KHDRBS2: variants seen among roughly 807,000 people sequenced by gnomAD.
The protein encoded by KHDRBS2 is KH RNA binding domain containing, signal transduction associated 2, also known as KH domain-containing, RNA-binding, signal transduction-associated protein 2.
KHDRBS2 carries 26 observed loss-of-function variants against 44.3 expected under a neutral mutation model. The observed-to-expected ratio is 0.59, with a 90% CI of 0.43 to 0.81. KHDRBS2 has a LOEUF of 0.81. Among genes scored for constraint, KHDRBS2 ranks in the 40% least tolerant of loss-of-function variants. The pLI is 0.00. For synonymous variants in KHDRBS2, 194 were observed against 151.1 expected, an observed-to-expected ratio of 1.28 and a Z score of -2.08; for missense variants, 476 against 433.1, an observed-to-expected ratio of 1.10 and a Z score of -0.88.
At chr6:61,990,397 A>G (rs1047371544) in intron 3 of KHDRBS2, among the ~76,000 whole-genome samples, 1 of 152,210 alleles carries the variant, frequency 6.6e-6, no homozygotes, top group Non-Finnish European at 1.5e-5. Context: ...AAGAAATAAC[A>G]AAAATGAATA....
the KHDRBS2 span, among the ~76,000 whole-genome samples, chr6:61,621,484 C>T: frequency 6.6e-6 from 1 of 152,198 alleles, no homozygotes; most frequent in Non-Finnish European, 1.5e-5. Flanking sequence ...AGCTGAGTAG[C>T]AGGCTAAAGG....
the KHDRBS2 span, among the ~76,000 whole-genome samples, chr6:61,556,647 A>C: frequency 2.0e-5 from 3 of 152,090 alleles, no homozygotes; most frequent in African/African-American, 7.2e-5. Context: ...TTTTTCTTTC[A>C]GGAAAATATG....
At chr6:61,666,558 G>A in the KHDRBS2 span, among the ~76,000 whole-genome samples, 6 of 151,410 alleles carry the variant, frequency 4.0e-5, no homozygotes, top group African/African-American at 1.4e-4. Context: ...GTCTGCTTCT[G>A]AGTACACCAG....
chr6:62,156,745 C>T (rs1438952578), intron 2 of KHDRBS2, among the ~76,000 whole-genome samples: 3 of 151,862 alleles, frequency 2.0e-5, no homozygotes, highest in African/African-American at 7.3e-5. Context: ...GATCTCGGCT[C>T]ACTGCAAGCT....
chr6:61,672,902 T>C, the KHDRBS2 span, among the ~76,000 whole-genome samples: 5 of 152,194 alleles, frequency 3.3e-5, no homozygotes, highest in South Asian at 8.3e-4. Flanking sequence ...TTTGGTGTTT[T>C]AGACATGAAG....
intron 6 of KHDRBS2, among the ~76,000 whole-genome samples, chr6:61,860,133 G>T (rs1263453623): frequency 6.6e-6 from 1 of 151,866 alleles, no homozygotes; most frequent in Non-Finnish European, 1.5e-5. Context: ...AAAATCCAAA[G>T]TAGAATAAGT....
chr6:62,034,579 T>C (rs1280956306), intron 3 of KHDRBS2, among the ~76,000 whole-genome samples: 1 of 151,164 alleles, frequency 6.6e-6, no homozygotes, highest in Non-Finnish European at 1.5e-5. Context: ...AAAATGCATT[T>C]GATAATATTC....
intron 6 of KHDRBS2, among the ~76,000 whole-genome samples, chr6:61,888,496 G>C (rs1801305243): frequency 6.6e-6 from 1 of 151,272 alleles, no homozygotes; most frequent in African/African-American, 2.4e-5. Context: ...AAACGGAAAG[G>C]AAACACATAT....
intron 7 of KHDRBS2, among the ~76,000 whole-genome samples, chr6:61,718,676 G>A (rs772529514): frequency 2.6e-5 from 4 of 152,058 alleles, no homozygotes; most frequent in South Asian, 2.1e-4. Flanking sequence ...CTGTAGGATG[G>A]CCGTGGTTGC....
the KHDRBS2 span, among the ~76,000 whole-genome samples, chr6:61,571,037 C>G: frequency 6.6e-6 from 1 of 151,664 alleles, no homozygotes; most frequent in Non-Finnish European, 1.5e-5. Context: ...AAGGCAACAA[C>G]TAGCATGATG....
chr6:61,853,110 A>T (rs182045429), intron 6 of KHDRBS2, among the ~76,000 whole-genome samples: 260 of 152,200 alleles, frequency 1.7e-3, no homozygotes, highest in African/African-American at 5.8e-3. Flanking sequence ...TGGCCTTTAC[A>T]TATTTGGCAT....
At chr6:61,611,326 A>C in the KHDRBS2 span, among the ~76,000 whole-genome samples, 1 of 152,186 alleles carries the variant, frequency 6.6e-6, no homozygotes, top group Non-Finnish European at 1.5e-5. Flanking sequence ...AAAAGTACCC[A>C]ATCACCTTAT....
chr6:62,255,655 C>T (rs1011214906), intron 1 of KHDRBS2, among the ~76,000 whole-genome samples: 1 of 124,888 alleles, frequency 8.0e-6, no homozygotes, highest in South Asian at 2.6e-4. Context: ...CACACACACA[C>T]AATGTAGAAA....
the KHDRBS2 span, among the ~76,000 whole-genome samples, chr6:61,564,123 A>G: frequency 6.6e-6 from 1 of 152,102 alleles, no homozygotes; most frequent in Non-Finnish European, 1.5e-5. Flanking sequence ...CCATGCAGAA[A>G]ACAAATTTTT....
chr6:61,951,294 C>A (rs1262441318), intron 4 of KHDRBS2, among the ~76,000 whole-genome samples: 2 of 151,976 alleles, frequency 1.3e-5, no homozygotes, highest in Admixed American at 6.6e-5. Flanking sequence ...GAAGTAAATT[C>A]TCTTTGGAGA....
chr6:61,648,564 C>G, the KHDRBS2 span, among the ~76,000 whole-genome samples: 1 of 152,120 alleles, frequency 6.6e-6, no homozygotes, highest in African/African-American at 2.4e-5. Flanking sequence ...GAGATGAACA[C>G]ACGTTCTGCC....
At chr6:61,603,629 C>T in the KHDRBS2 span, among the ~76,000 whole-genome samples, 9 of 152,262 alleles carry the variant, frequency 5.9e-5, no homozygotes, top group African/African-American at 1.9e-4. Flanking sequence ...CTTTTAGAGG[C>T]CCTCAAAATC....
chr6:61,885,371 A>C (rs1390679432), intron 6 of KHDRBS2, among the ~76,000 whole-genome samples: 2 of 152,158 alleles, frequency 1.3e-5, no homozygotes, highest in African/African-American at 4.8e-5. Context: ...TCTCTTTCAT[A>C]GCTGAGCTGA....
At position 62,157,131 on chromosome 6, in the gene KHDRBS2, G is replaced by A. The variant is rs1375692119; in HGVS notation, c.219+20054C>T. 4.0e-5 allele frequency among the ~76,000 whole-genome samples: 6 copies of A among 151,438 alleles called. No individual in the cohort carries two copies. The South Asian group carries it at 8.4e-4, about 21-fold the overall frequency. On this transcript the variant is annotated intron_variant, in intron 2 of 8. Coordinates refer to ENST00000281156, the MANE Select transcript of KHDRBS2 (RefSeq NM_152688.4). ...GACACTTTGGGAGGCCAAGGTGGGC[G>A]GATCACGAGGTCAAGTGATCGAGAC...
Sources: gnomAD v4.1 joint callset for allele counts (sites outside exome capture counted in the v4.1 genomes callset) on GRCh38, gnomAD v4.1.1 for gene constraint, MANE v1.5 for transcripts, NCBI Gene and HGNC (gene_info 2026-07-23, HGNC 2026-07-21) for gene names.